COL9A3: variants seen among roughly 807,000 people sequenced by gnomAD.
The protein encoded by COL9A3 is collagen type IX alpha 3 chain.
A neutral mutation model predicts 110.2 loss-of-function variants in COL9A3; 82 were observed. That is an observed-to-expected ratio of 0.74 (90% CI 0.62 to 0.89). The LOEUF is 0.89. Ranked by LOEUF, COL9A3 falls within the 40% of genes least tolerant of loss-of-function variation. COL9A3 has a pLI of 0.00. For missense variants in COL9A3, 1,066 were observed against 981.3 expected (o/e 1.09, Z -1.15); for synonymous variants, 494 against 403.8 (o/e 1.22, Z -2.68).
Position 62,835,902 on chromosome 20 carries a change from A to G in COL9A3, c.1369-19A>G, listed in dbSNP as rs1468748618. The G allele has an allele frequency of 6.2e-7, 1 of 1,614,208 alleles. No individual in the cohort carries two copies. ...CCAACAATACACTTAGTTCAAACAC[A>G]CAACTTTTCTCTTCACAGGGTCCCA... is the stretch of plus-strand genomic sequence containing the variant. On this transcript the variant is annotated intron_variant, in intron 26 of 31. Coordinates refer to ENST00000649368, the MANE Select transcript of COL9A3 (RefSeq NM_001853.4).
intron 26 of COL9A3, 100 bp from the exon 27 acceptor site, chr20:62,835,821 G>A (rs572530359): frequency 8.6e-7 from 1 of 1,166,318 alleles, no homozygotes; most frequent in East Asian, 2.3e-5. Flanking sequence ...TAGTCTAATA[G>A]CAGGTGTGTG....
intron 27 of COL9A3, 26 bp downstream of exon 27, chr20:62,835,979 G>T: frequency 1.2e-6 from 2 of 1,614,168 alleles, no homozygotes; most frequent in South Asian, 2.2e-5. Flanking sequence ...CTGTTCCGAT[G>T]ACACCATCCA....
intron 24 of COL9A3, 62 bp downstream of exon 24, chr20:62,830,650 C>A: frequency 3.3e-6 from 3 of 897,486 alleles, no homozygotes; most frequent in Non-Finnish European, 4.7e-6. Context: ...CCACAGTCCC[C>A]CACCCCCATG....
intron 13 of COL9A3, 140 bp from the exon 14 acceptor site, chr20:62,826,064 C>T: frequency 1.8e-6 from 2 of 1,103,698 alleles, no homozygotes; most frequent in Admixed American, 2.1e-5. Flanking sequence ...GTGCCCCCTC[C>T]CTCTGGGGGA....
rs749401290 is a variant in COL9A3 at position 62,817,075 on chromosome 20, C to T, written c.11C>T (p.Pro4Leu). ...AGACTCCGCTCAGCCATGGCCGGGCCGCGCGCGTGCGCCCCGCTCCTGCTC... is the reference window on the plus strand; with the variant it reads ...AGACTCCGCTCAGCCATGGCCGGGCTGCGCGCGTGCGCCCCGCTCCTGCTC... MAGPRACAPLLLLL... is the reference protein window; with the variant it reads MAGLRACAPLLLLL... The change falls in exon 1 of 32, where the codon CCG becomes CTG. Residue 4 changes from proline to leucine, a missense_variant. By Grantham distance (98) the Pro-to-Leu change is moderately conservative. Transcript: ENST00000649368. The T allele has an allele frequency of 1.2e-5, 17 of 1,384,966 alleles. No individual in the cohort carries two copies. The East Asian group carries it at 4.1e-4, about 33-fold the overall frequency. 85.8% of individuals were successfully genotyped at this position (1,384,966 alleles called of 1,614,324 possible).
rs1303653617 is a variant in COL9A3, at chr20:62,841,140, A to G, written c.*408A>G. On this transcript the variant is annotated 3_prime_UTR_variant, in exon 32 of 32. Coordinates refer to ENST00000649368, the MANE Select transcript of COL9A3 (RefSeq NM_001853.4). ...TAACAAAAAATAAAGAATTTAATGT[A>G]CAGTAAATTCTCTCCCATACAAAGG... is the stretch of plus-strand genomic sequence containing the variant. 4.6e-6 allele frequency: 1 copy of G among 217,340 alleles called. No homozygotes were observed. Among genetic ancestry groups the G allele is most frequent in the Non-Finnish European group, 9.4e-6 (1 of 106,476 alleles). The allele number at this position is 217,340 out of a possible 1,614,324, so 13.5% of individuals were successfully genotyped here.
intron 25 of COL9A3, 158 bp from the exon 26 acceptor site, chr20:62,832,862 T>G: frequency 1.4e-6 from 1 of 695,190 alleles, no homozygotes. Context: ...AGGGCTGTGT[T>G]TGGAGCGGGT....
At position 62,822,101 on chromosome 20, in the gene COL9A3, C is replaced by A; in HGVS notation, c.424-10C>A. 1.3e-6 allele frequency: 2 copies of A among 1,526,234 alleles called. No homozygotes were observed. Among genetic ancestry groups the A allele is most frequent in the East Asian group, 2.2e-5 (1 of 44,514 alleles). The allele number at this position is 1,526,234 out of a possible 1,614,324, so 94.5% of individuals were successfully genotyped here. On this transcript the variant is annotated splice_polypyrimidine_tract_variant and intron_variant, in intron 8 of 31. Coordinates refer to ENST00000649368, the MANE Select transcript of COL9A3 (RefSeq NM_001853.4). Reference sequence around the variant, plus strand: ...GGTCCCACTCTGTCTAAGTCATACCCCCTCCCCAGGGACCTTCTGGACTCC... The same window carrying A: ...GGTCCCACTCTGTCTAAGTCATACCACCTCCCCAGGGACCTTCTGGACTCC...
chr20:62,829,381 C>CGTGCACGCAGGCAGG, intron 19 of COL9A3, 74 bp from the exon 20 acceptor site: 1 of 1,584,120 alleles, frequency 6.3e-7, no homozygotes, highest in Non-Finnish European at 8.6e-7. Flanking sequence ...ACCCTGCCTG[C>CGTGCACGCAGGCAGG]GTGCACGCCC....
At chr20:62,817,752 G>A in intron 2 of COL9A3, 117 bp downstream of exon 2, 1 of 718,480 alleles carries the variant, frequency 1.4e-6, no homozygotes. Flanking sequence ...CAGAGCCGGG[G>A]TGACATCAGG....
intron 4 of COL9A3, among the ~76,000 whole-genome samples, chr20:62,819,596 G>T (rs1312689657): frequency 6.6e-6 from 1 of 152,224 alleles, no homozygotes; most frequent in Non-Finnish European, 1.5e-5. Flanking sequence ...GTCATCTTGG[G>T]CTCCAGGCCT....
chr20:62,830,308 G>C, intron 22 of COL9A3, 52 bp from the exon 23 acceptor site: 1 of 1,546,372 alleles, frequency 6.5e-7, no homozygotes, highest in South Asian at 1.2e-5. Context: ...GGGCCTCTTG[G>C]GGACTCCTCG....
At chr20:62,816,542 C>T (rs1191593762), upstream of COL9A3, among the ~76,000 whole-genome samples, 1 of 152,206 alleles carries the variant, frequency 6.6e-6, no homozygotes, top group Non-Finnish European at 1.5e-5. Flanking sequence ...GACAGTGACC[C>T]CGGAGCGGGA....
chr20:62,822,375 C>T (rs2063519296), intron 9 of COL9A3, among the ~76,000 whole-genome samples: 1 of 152,196 alleles, frequency 6.6e-6, no homozygotes, highest in African/African-American at 2.4e-5. Flanking sequence ...CCATGGCCAT[C>T]CTGCCCCAAG....
intron 26 of COL9A3, among the ~76,000 whole-genome samples, chr20:62,833,521 A>C (rs1043938994): frequency 6.6e-6 from 1 of 151,142 alleles, no homozygotes; most frequent in Non-Finnish European, 1.5e-5. Context: ...CTCCTGCCTC[A>C]GCCTCCCAAG....
intron 25 of COL9A3, 76 bp from the exon 26 acceptor site, chr20:62,832,944 G>T: frequency 7.4e-7 from 1 of 1,350,046 alleles, no homozygotes; most frequent in South Asian, 1.2e-5. Flanking sequence ...GGAGGCTTGA[G>T]AGCAGGGACT....
At position 62,819,955 on chromosome 20, in the gene COL9A3, T is replaced by C. The variant is rs1441095513; in HGVS notation, c.282T>C (p.Pro94=). 6.2e-7 allele frequency: 1 copy of C among 1,612,906 alleles called. No individual in the cohort carries two copies. The highest frequency in any genetic ancestry group is 1.7e-5 in the Admixed American group (1 of 60,018). Residue 94 remains proline, a synonymous_variant, in exon 5 of 32, where the codon CCT becomes CCC. Coordinates refer to ENST00000649368, the MANE Select transcript of COL9A3 (RefSeq NM_001853.4). The stretch of plus-strand genomic sequence containing the variant: ...GTCTGACTGGACGAGATGGACCCCC[T>C]GGACCCAAGGGTGCCCCTGGGGAAC... ...VDGLTGRDGP[P]GPKGAPGERG... is the part of the protein sequence containing the mutation.
chr20:62,836,077 T>C, intron 27 of COL9A3, 110 bp from the exon 28 acceptor site: 2 of 1,605,470 alleles, frequency 1.2e-6, no homozygotes, highest in Non-Finnish European at 1.7e-6. Flanking sequence ...AAAAGCTTGC[T>C]CTGGTCAAGG....
In COL9A3 at chr20:62,827,259, G is replaced by A. The variant is rs1456951300; in HGVS notation, c.811G>A (p.Gly271Ser). ...TTTCCAGGGTGACCGAGGCGAGAGG[G>A]GCCCAGAAGGGTTCCGCGGCCCCAA... is the stretch of plus-strand genomic sequence containing the variant. ...PGKAGDRGER[G>S]PEGFRGPKGD... Residue 271 changes from glycine to serine, a missense_variant, in exon 16 of 32, where the codon GGC (glycine) becomes AGC (serine). Transcript: ENST00000649368. 2 of 1,613,186 alleles carry A rather than the reference G, an allele frequency of 1.2e-6. No individual in the cohort carries two copies. Among genetic ancestry groups the A allele is most frequent in the East Asian group, 2.2e-5 (1 of 44,886 alleles).
Sources: gnomAD v4.1 joint callset for allele counts (sites outside exome capture counted in the v4.1 genomes callset) on GRCh38, gnomAD v4.1.1 for gene constraint, MANE v1.5 for transcripts, NCBI Gene and HGNC (gene_info 2026-07-23, HGNC 2026-07-21) for gene names.